The following NR2C1 variants were observed in gnomAD, a reference collection of about 807,000 sequenced individuals.
The protein encoded by NR2C1 is nuclear receptor subfamily 2 group C member 1, also known as TR2 nuclear hormone receptor.
NR2C1 carries 33 observed loss-of-function variants against 74.8 expected under a neutral mutation model. The ratio of observed to expected loss-of-function variants is 0.44; its 90% CI spans 0.33 to 0.59. The LOEUF (loss-of-function observed/expected upper bound fraction) is 0.59, where lower values mean the gene tolerates loss of function less well. Ranked by LOEUF, NR2C1 falls within the 20% of genes least tolerant of loss-of-function variation. The pLI, the probability that NR2C1 is intolerant of heterozygous loss-of-function variation, is 0.02. For synonymous variants in NR2C1, 225 were observed against 240.6 expected, an observed-to-expected ratio of 0.94 and a Z score of 0.60; for missense variants, 568 against 715.6, an observed-to-expected ratio of 0.79 and a Z score of 2.35.
At chr12:95,037,029 T>C (rs1368848642) in intron 10 of NR2C1, among the ~76,000 whole-genome samples, 1 of 152,166 alleles carries the variant, frequency 6.6e-6, no homozygotes, top group Non-Finnish European at 1.5e-5. Context: ...TATGCTTCAG[T>C]GGTAATTTAA....
At position 95,051,784 on chromosome 12, in the gene NR2C1, G is replaced by T; in HGVS notation, c.943C>A (p.Gln315Lys). The T allele has an allele frequency of 6.2e-7, 1 of 1,607,250 alleles. No individual in the cohort carries two copies. Reference sequence around the variant, plus strand: ...TACCTTGAAACATCACCGTTGGTCTGCATTTCTTGAAATTCACACAAAGAG... The same window carrying T: ...TACCTTGAAACATCACCGTTGGTCTTCATTTCTTGAAATTCACACAAAGAG... Reference protein sequence around the residue: ...DTSLCEFQEMQTNGDVSRAFD... With the variant: ...DTSLCEFQEMKTNGDVSRAFD... The change falls in exon 8 of 14, where the codon CAG (glutamine) becomes AAG (lysine). Residue 315 changes from glutamine to lysine, a missense_variant. Physicochemically the swap from Gln to Lys is moderately conservative, Grantham distance 53 (BLOSUM62 1). Coordinates refer to ENST00000333003, the MANE Select transcript of NR2C1 (RefSeq NM_003297.4).
chr12:95,041,832 A>C (rs775188560), intron 9 of NR2C1, among the ~76,000 whole-genome samples: 1 of 152,234 alleles, frequency 6.6e-6, no homozygotes, highest in African/African-American at 2.4e-5. Context: ...CATGCACAAA[A>C]AAAGCATGTG....
chr12:95,072,386 G>A (rs1876793139), intron 1 of NR2C1, among the ~76,000 whole-genome samples: 1 of 149,792 alleles, frequency 6.7e-6, no homozygotes, highest in African/African-American at 2.5e-5. Flanking sequence ...CCTGGAGGCG[G>A]AGGTTGCAGT....
chr12:95,062,771 T>C, intron 2 of NR2C1, 33 bp from the exon 3 acceptor site: 1 of 1,528,598 alleles, frequency 6.5e-7, no homozygotes, highest in African/African-American at 1.4e-5. Flanking sequence ...TCAATGAAAC[T>C]CAATAATTTT....
chr12:95,072,455 CAAA>C (rs570185714), intron 1 of NR2C1, among the ~76,000 whole-genome samples: 2 of 60,308 alleles, frequency 3.3e-5, no homozygotes, highest in East Asian at 5.3e-4. Flanking sequence ...CTCTCCCTCT[CAAA>C]AAAAAAAAAA....
intron 4 of NR2C1, 81 bp downstream of exon 4, chr12:95,059,825 T>C (rs1874479357): frequency 2.2e-6 from 2 of 913,332 alleles, no homozygotes; most frequent in Non-Finnish European, 3.3e-6. Context: ...AACATGGTAG[T>C]GTGGTAGTTA....
intron 9 of NR2C1, among the ~76,000 whole-genome samples, chr12:95,045,890 A>C (rs1373520921): frequency 6.6e-6 from 1 of 152,058 alleles, no homozygotes; most frequent in African/African-American, 2.4e-5. Context: ...TTAGGCTGGA[A>C]GGCAGTGATG....
chr12:95,040,386 T>C, intron 10 of NR2C1, 90 bp downstream of exon 10: 2 of 1,286,922 alleles, frequency 1.6e-6, no homozygotes, highest in Non-Finnish European at 2.1e-6. Flanking sequence ...TTTTTTCCTT[T>C]AATGCAAATC....
In NR2C1 at chr12:95,028,322, G is replaced by A. The variant is rs143656686; in HGVS notation, c.1531+65C>T. Reference sequence around the variant, plus strand: ...TTTTACATCCCCACTTGCAACATATGAGGGCTTCTATTTCTCCACATCGTG... The same window carrying A: ...TTTTACATCCCCACTTGCAACATATAAGGGCTTCTATTTCTCCACATCGTG... On this transcript the variant is annotated intron_variant, in intron 12 of 13. Transcript: ENST00000333003. The A allele has an allele frequency of 3.7e-5, 50 of 1,365,844 alleles. No homozygotes were observed. The African/African-American group carries it at 6.3e-4, about 17-fold the overall frequency. The allele number at this position is 1,365,844 out of a possible 1,614,324, so 84.6% of individuals were successfully genotyped here.
intron 2 of NR2C1, among the ~76,000 whole-genome samples, chr12:95,064,072 A>G (rs1359562012): frequency 1.3e-5 from 2 of 149,072 alleles, no homozygotes; most frequent in Non-Finnish European, 3.0e-5. Flanking sequence ...GCTCATGCCT[A>G]TAACCCCAGC....
In NR2C1 at chr12:95,050,971, A is replaced by C. The variant is rs796379257; in HGVS notation, c.965+791T>G. Among the ~76,000 whole-genome samples, 11 of 152,220 alleles carry C rather than the reference A, an allele frequency of 7.2e-5. 1 individual carries two copies. Among genetic ancestry groups the C allele is most frequent in the African/African-American group, 2.6e-4 (11 of 41,538 alleles). On this transcript the variant is annotated intron_variant, in intron 8 of 13. Transcript: ENST00000333003. ...AAGACAAGTGTTTCGCTCTCCATAC[A>C]CATCTTCATCTTTAGAAGAAAAAAT...
At chr12:95,043,192 T>C (rs1419078917) in intron 9 of NR2C1, among the ~76,000 whole-genome samples, 2 of 151,944 alleles carry the variant, frequency 1.3e-5, no homozygotes, top group Admixed American at 6.6e-5. Flanking sequence ...GCCCAGGAGG[T>C]AGAGGTTGCA....
chr12:95,055,825 C>T (rs1326064376), intron 7 of NR2C1, among the ~76,000 whole-genome samples: 17 of 151,552 alleles, frequency 1.1e-4, no homozygotes, highest in Admixed American at 5.3e-4. Flanking sequence ...TGGTGGCGGG[C>T]GCCTGTAATC....
chr12:95,052,928 T>G (rs1411373005), intron 7 of NR2C1, among the ~76,000 whole-genome samples: 1 of 152,058 alleles, frequency 6.6e-6, no homozygotes, highest in East Asian at 1.9e-4. Flanking sequence ...ATTATTCTCT[T>G]CACTTTTTTG....
chr12:95,064,899 T>A (rs1875427409), intron 2 of NR2C1, among the ~76,000 whole-genome samples: 1 of 152,206 alleles, frequency 6.6e-6, no homozygotes, highest in African/African-American at 2.4e-5. Context: ...AAAACAAAGT[T>A]CTGATTCACT....
Position 95,021,508 on chromosome 12 carries a change from A to T in NR2C1, c.*721T>A, listed in dbSNP as rs1394829576. 1 of 152,114 alleles carries T rather than the reference A, an allele frequency of 6.6e-6. No homozygotes were observed. Among genetic ancestry groups the T allele is most frequent in the Non-Finnish European group, 1.5e-5 (1 of 68,022 alleles). 9.4% of individuals were successfully genotyped at this position (152,114 alleles called of 1,614,324 possible). A position where few individuals can be genotyped will look rare whatever the true frequency, so the allele number is the denominator to read the frequency against. The stretch of plus-strand genomic sequence containing the variant: ...CGAAAACAAAAACAAAAACACGAGC[A>T]GTAAGCTAAAAATATTAAAATATCA... On this transcript the variant is annotated 3_prime_UTR_variant, in exon 14 of 14. Coordinates refer to ENST00000333003, the MANE Select transcript of NR2C1 (RefSeq NM_003297.4).
intron 12 of NR2C1, among the ~76,000 whole-genome samples, chr12:95,027,925 G>A (rs1180655600): frequency 6.6e-6 from 1 of 151,978 alleles, no homozygotes. Flanking sequence ...GTCTATACAG[G>A]TTTACCTATT....
chr12:95,028,966 C>G (rs35582), intron 11 of NR2C1, among the ~76,000 whole-genome samples: 132,262 of 152,270 alleles, frequency 0.87, 57,800 homozygotes, highest in African/African-American at 0.96. Context: ...TATAACCAAT[C>G]TAGAAATGTT....
chr12:95,030,056 T>C (rs978607802), intron 11 of NR2C1, among the ~76,000 whole-genome samples: 1 of 152,142 alleles, frequency 6.6e-6, no homozygotes, highest in Non-Finnish European at 1.5e-5. Flanking sequence ...AAAAAATTTC[T>C]GTAGAGGTGG....
Sources: allele counts gnomAD v4.1 joint callset (sites outside exome capture counted in the v4.1 genomes callset), GRCh38; gene constraint gnomAD v4.1.1; transcripts MANE v1.5; gene names NCBI Gene and HGNC (gene_info 2026-07-23, HGNC 2026-07-21).